SLCO5A1: variants seen among roughly 807,000 people sequenced by gnomAD.
SLCO5A1 encodes solute carrier organic anion transporter family member 5A1.
SLCO5A1 carries 39 observed loss-of-function variants against 65.1 expected under a neutral mutation model. That is an observed-to-expected ratio of 0.60 (90% confidence interval 0.46 to 0.78). The LOEUF (loss-of-function observed/expected upper bound fraction) is 0.78. Among genes scored for constraint, SLCO5A1 ranks in the 30% least tolerant of loss-of-function variants. The pLI is 0.00. For missense variants in SLCO5A1, 1,029 were observed against 1,069.4 expected (o/e 0.96, Z 0.53); for synonymous variants, 438 against 415.7 (o/e 1.05, Z -0.65).
At chr8:69,778,248 T>TGTGC (rs935930137) in intron 2 of SLCO5A1, among the ~76,000 whole-genome samples, 1 of 151,936 alleles carries the variant, frequency 6.6e-6, no homozygotes, top group African/African-American at 2.4e-5. Flanking sequence ...TGTGTGTGTG[T>TGTGC]GTGTGTGTGT....
intron 5 of SLCO5A1, chr8:69,713,471 T>A (rs1261250138): frequency 6.6e-6 from 1 of 152,064 alleles, no homozygotes; most frequent in Non-Finnish European, 1.5e-5. Context: ...CCCTCCTCCC[T>A]TTTTTGTGTG....
At chr8:69,785,842 G>T (rs1170170956) in intron 2 of SLCO5A1, among the ~76,000 whole-genome samples, 1 of 152,174 alleles carries the variant, frequency 6.6e-6, no homozygotes, top group Non-Finnish European at 1.5e-5. Context: ...ATATTAATAT[G>T]TGCAACAGCC....
chr8:69,741,283 T>C (rs937669859), intron 4 of SLCO5A1, among the ~76,000 whole-genome samples: 1 of 152,210 alleles, frequency 6.6e-6, no homozygotes, highest in Non-Finnish European at 1.5e-5. Context: ...TACAGTGCAA[T>C]TGACCATAAG....
intron 2 of SLCO5A1, among the ~76,000 whole-genome samples, chr8:69,763,876 CT>C (rs370326824): frequency 4.7e-5 from 7 of 148,554 alleles, no homozygotes; most frequent in Non-Finnish European, 7.5e-5. Flanking sequence ...TCAATAAACA[CT>C]TTTTTTTTTG....
At chr8:69,806,312 A>AT (rs1211169157) in intron 2 of SLCO5A1, among the ~76,000 whole-genome samples, 1 of 152,174 alleles carries the variant, frequency 6.6e-6, no homozygotes, top group Non-Finnish European at 1.5e-5. Flanking sequence ...AGTTTCCTTG[A>AT]TTTATAGCAC....
rs1221345125 is a variant in SLCO5A1, at chr8:69,808,105, T to A, written c.907+23662A>T. On this transcript the variant is annotated intron_variant, in intron 2 of 9. Transcript: ENST00000260126. The stretch of plus-strand genomic sequence containing the variant: ...ATCCATTGATGAACACTTAGTTGTT[T>A]CCATGTCTTGGCTATTGTGAATAGA... Among the ~76,000 whole-genome samples the A allele has an allele frequency of 6.8e-4, 103 of 152,156 alleles. 1 individual carries two copies. Among genetic ancestry groups the A allele is most frequent in the Admixed American group, 6.7e-3 (103 of 15,278 alleles).
intron 6 of SLCO5A1, among the ~76,000 whole-genome samples, chr8:69,684,096 C>T (rs962977250): frequency 1.3e-4 from 19 of 151,762 alleles, no homozygotes; most frequent in African/African-American, 7.3e-5. Context: ...TCATTCATGT[C>T]GCTCCATAGA....
intron 2 of SLCO5A1, among the ~76,000 whole-genome samples, chr8:69,784,405 T>A (rs1403119355): frequency 1.3e-5 from 2 of 152,134 alleles, no homozygotes; most frequent in Non-Finnish European, 2.9e-5. Flanking sequence ...GTAGCAAGGA[T>A]GTGGAGCAAC....
chr8:69,820,611 T>A (rs1009092857), intron 2 of SLCO5A1, among the ~76,000 whole-genome samples: 1 of 152,008 alleles, frequency 6.6e-6, no homozygotes, highest in African/African-American at 2.4e-5. Flanking sequence ...GGGAAGAGGA[T>A]TGCTGTGGTC....
chr8:69,785,646 C>CA (rs1366428793), intron 2 of SLCO5A1, among the ~76,000 whole-genome samples: 47 of 152,176 alleles, frequency 3.1e-4, no homozygotes, highest in African/African-American at 1.1e-3. Context: ...ACCCAAGTCA[C>CA]AAAACTAGTA....
intron 3 of SLCO5A1, among the ~76,000 whole-genome samples, chr8:69,756,630 T>G (rs1268661389): frequency 6.6e-6 from 1 of 152,186 alleles, no homozygotes; most frequent in Non-Finnish European, 1.5e-5. Context: ...CTACCAAAAT[T>G]CAGAGAGGGG....
In SLCO5A1 at chr8:69,667,067, T is replaced by G. The variant is rs1386458647; in HGVS notation, c.*5802A>C. Reference sequence around the variant, plus strand: ...TTCATTTCAGTCCAACACACTTTATTCATTTTTAACTTTTTTCTTAATTTT... The same window carrying G: ...TTCATTTCAGTCCAACACACTTTATGCATTTTTAACTTTTTTCTTAATTTT... On this transcript the variant is annotated 3_prime_UTR_variant, in exon 10 of 10. Transcript: ENST00000260126. The G allele has an allele frequency of 6.6e-6, 1 of 152,242 alleles. No individual in the cohort carries two copies. The highest frequency in any genetic ancestry group is 2.4e-5 in the African/African-American group (1 of 41,464). The allele number at this position is 152,242 out of a possible 1,614,324, so 9.4% of individuals were successfully genotyped here. A position where few individuals can be genotyped will look rare whatever the true frequency, so the allele number is the denominator to read the frequency against.
At chr8:69,737,856 G>T (rs950606225) in intron 5 of SLCO5A1, among the ~76,000 whole-genome samples, 184 bp downstream of exon 5, 3 of 152,056 alleles carry the variant, frequency 2.0e-5, no homozygotes, top group African/African-American at 7.3e-5. Context: ...TGTGTCACAT[G>T]GTAATACAAT....
At chr8:69,786,835 G>A (rs1819058490) in intron 2 of SLCO5A1, among the ~76,000 whole-genome samples, 1 of 152,156 alleles carries the variant, frequency 6.6e-6, no homozygotes, top group African/African-American at 2.4e-5. Flanking sequence ...TGAATACTTT[G>A]ACTACTTAAA....
intron 2 of SLCO5A1, among the ~76,000 whole-genome samples, chr8:69,773,535 C>T (rs935060684): frequency 4.6e-5 from 7 of 152,244 alleles, no homozygotes; most frequent in Admixed American, 4.6e-4. Context: ...CCACCTCATT[C>T]CTGTTGTCCC....
chr8:69,766,511 G>GTT (rs1563711355), intron 2 of SLCO5A1, among the ~76,000 whole-genome samples: 1 of 151,320 alleles, frequency 6.6e-6, no homozygotes, highest in African/African-American at 2.4e-5. Context: ...GTGTGTGTTT[G>GTT]TGTGTGTGTG....
At chr8:69,822,172 A>G (rs1010596301) in intron 2 of SLCO5A1, among the ~76,000 whole-genome samples, 4 of 152,158 alleles carry the variant, frequency 2.6e-5, no homozygotes, top group African/African-American at 9.7e-5. Flanking sequence ...AAAAGCAATA[A>G]TAATTACTTC....
rs1813360257 is a variant in SLCO5A1 at position 69,672,349 on chromosome 8, C to T, written c.*520G>A. The T allele has an allele frequency of 6.3e-6, 1 of 158,780 alleles. No homozygotes were observed. The highest frequency in any genetic ancestry group is 5.9e-5 in the Admixed American group (1 of 16,932). 9.8% of individuals were successfully genotyped at this position (158,780 alleles called of 1,614,324 possible). A position where few individuals can be genotyped will look rare whatever the true frequency, so the allele number is the denominator to read the frequency against. On this transcript the variant is annotated 3_prime_UTR_variant, in exon 10 of 10. Coordinates refer to ENST00000260126, the MANE Select transcript of SLCO5A1 (RefSeq NM_030958.3). ...AAGTTCAGCTTCCTCTTTTCAGAAA[C>T]ATATCTGCTTTATTCCGTGAAAGTA... is the stretch of plus-strand genomic sequence containing the variant.
At position 69,822,903 on chromosome 8, in the gene SLCO5A1, G is replaced by A. The variant is rs540449678; in HGVS notation, c.907+8864C>T. On this transcript the variant is annotated intron_variant, in intron 2 of 9. Coordinates refer to ENST00000260126, the MANE Select transcript of SLCO5A1 (RefSeq NM_030958.3). ...GCCAATTCTAGCCCTTCTCTGTCAT[G>A]TGAAGTCAGGGCTGGCAATTAGTGG... 2.0e-4 allele frequency among the ~76,000 whole-genome samples: 30 copies of A among 152,322 alleles called. No individual in the cohort carries two copies. In the South Asian group the frequency reaches 5.4e-3, roughly 27 times the overall value.
Sources: allele counts gnomAD v4.1 joint callset (sites outside exome capture counted in the v4.1 genomes callset), GRCh38; gene constraint gnomAD v4.1.1; transcripts MANE v1.5; gene names NCBI Gene and HGNC (gene_info 2026-07-23, HGNC 2026-07-21).